PRTFDC1: variants seen among roughly 807,000 people sequenced by gnomAD.
The protein encoded by PRTFDC1 is phosphoribosyltransferase domain-containing protein 1.
PRTFDC1 carries 38 observed loss-of-function variants against 34.6 expected under a neutral mutation model. The ratio of observed to expected loss-of-function variants is 1.10; its 90% confidence interval spans 0.85 to 1.44. The LOEUF (loss-of-function observed/expected upper bound fraction) is 1.44. Ranked by LOEUF, PRTFDC1 falls within the 40% of genes most tolerant of loss-of-function variation. PRTFDC1 has a pLI of 0.00. For missense variants in PRTFDC1, 270 were observed against 283.0 expected (o/e 0.95, Z 0.33); for synonymous variants, 93 against 98.1 (o/e 0.95, Z 0.31).
intron 3 of PRTFDC1, among the ~76,000 whole-genome samples, chr10:24,896,251 T>C (rs1404156696): frequency 6.6e-6 from 1 of 152,174 alleles, no homozygotes; most frequent in Non-Finnish European, 1.5e-5. Context: ...GAGATTCTCA[T>C]AGGATCACAA....
chr10:24,899,447 T>C (rs1266962266), intron 3 of PRTFDC1, among the ~76,000 whole-genome samples: 2 of 152,190 alleles, frequency 1.3e-5, no homozygotes, highest in Non-Finnish European at 2.9e-5. Flanking sequence ...TCTGTATAAC[T>C]ATTCCCGGCT....
chr10:24,905,820 T>G (rs957100259), intron 3 of PRTFDC1, among the ~76,000 whole-genome samples: 1 of 152,188 alleles, frequency 6.6e-6, no homozygotes, highest in Non-Finnish European at 1.5e-5. Context: ...TGATTACTTA[T>G]TTAATAATAT....
rs1334975002 is a variant in PRTFDC1, at chr10:24,952,529, A to T, written c.47T>A (p.Val16Glu). Residue 16 changes from valine (V) to glutamate (E), a missense_variant and splice_region_variant, in exon 1 of 9, where the codon GTG becomes GAG. By Grantham distance (121) the Val-to-Glu change is moderately radical (BLOSUM62 -2). Coordinates refer to ENST00000320152, the MANE Select transcript of PRTFDC1 (RefSeq NM_020200.7). This position sits in a 1 kb window ranked among gnomAD's most constrained non-coding sequence, Gnocchi z 5.1. The stretch of plus-strand genomic sequence containing the variant: ...CCAAAATAGGGAGTTTGCATTTACC[A>T]CGACGCCTCGCCCGTAGTCTGGCGC... ...EEAPDYGRGV[V>E]IMDDWPGYDL... 1.3e-6 allele frequency: 2 copies of T among 1,586,544 alleles called. No homozygotes were observed. Among genetic ancestry groups the T allele is most frequent in the Non-Finnish European group, 8.6e-7 (1 of 1,166,042 alleles).
At chr10:24,850,786 G>C (rs1847472660) in intron 8 of PRTFDC1, among the ~76,000 whole-genome samples, 1 of 152,184 alleles carries the variant, frequency 6.6e-6, no homozygotes, top group Admixed American at 6.5e-5. Flanking sequence ...CTCTCTGGGG[G>C]CACTGCTATC....
At chr10:24,911,657 G>T (rs1564310307) in intron 3 of PRTFDC1, among the ~76,000 whole-genome samples, 1 of 152,022 alleles carries the variant, frequency 6.6e-6, no homozygotes, top group African/African-American at 2.4e-5. Context: ...CACGAGGTCA[G>T]GAGACTGAGA....
intron 3 of PRTFDC1, among the ~76,000 whole-genome samples, chr10:24,935,445 G>A (rs923794079): frequency 6.6e-6 from 1 of 152,170 alleles, no homozygotes; most frequent in African/African-American, 2.4e-5. Flanking sequence ...CCTGAGAGGT[G>A]ATCAGGAAAA....
chr10:24,904,294 A>G (rs1277427306), intron 3 of PRTFDC1, among the ~76,000 whole-genome samples: 1 of 148,466 alleles, frequency 6.7e-6, no homozygotes, highest in Non-Finnish European at 1.5e-5. Context: ...ACACACACAC[A>G]AGGAATCTCA....
At chr10:24,875,608 A>T (rs544514391) in intron 3 of PRTFDC1, among the ~76,000 whole-genome samples, 14 of 152,198 alleles carry the variant, frequency 9.2e-5, no homozygotes, top group African/African-American at 3.4e-4. Context: ...TCTGGAATTT[A>T]TATCTTCCAA....
At chr10:24,943,579 C>T (rs274300) in intron 1 of PRTFDC1, among the ~76,000 whole-genome samples, 24,233 of 150,012 alleles carry the variant, frequency 0.16, 2,485 homozygotes, top group East Asian at 0.43. Flanking sequence ...GAGACAGGGT[C>T]CCGCACTGTC....
intron 6 of PRTFDC1, among the ~76,000 whole-genome samples, chr10:24,856,534 G>A (rs1365170110): frequency 3.3e-5 from 5 of 152,166 alleles, no homozygotes; most frequent in Non-Finnish European, 5.9e-5. Context: ...GTTGCAGTGA[G>A]CCGAGATTGT....
chr10:24,924,496 C>T (rs550546706), intron 3 of PRTFDC1, among the ~76,000 whole-genome samples: 1 of 152,298 alleles, frequency 6.6e-6, no homozygotes, highest in Admixed American at 6.5e-5. Context: ...TAAAGAGCTT[C>T]TGCACAGCAA....
intron 4 of PRTFDC1, among the ~76,000 whole-genome samples, chr10:24,865,301 C>A (rs887332959): frequency 6.6e-6 from 1 of 152,146 alleles, no homozygotes; most frequent in Non-Finnish European, 1.5e-5. Flanking sequence ...TCCTCCTTAA[C>A]CAAGCTATTA....
At chr10:24,937,552 CTGCTT>C (rs1849073808) in intron 2 of PRTFDC1, among the ~76,000 whole-genome samples, 185 bp from the exon 3 acceptor site, 1 of 103,720 alleles carries the variant, frequency 9.6e-6, no homozygotes. Flanking sequence ...TCAAAACATA[CTGCTT>C]TTTTTTTTTT....
intron 3 of PRTFDC1, among the ~76,000 whole-genome samples, chr10:24,936,237 C>G (rs1588622822): frequency 1.3e-5 from 2 of 152,002 alleles, no homozygotes; most frequent in Middle Eastern, 6.9e-3. Flanking sequence ...CAAAAAGCAT[C>G]AAAGAAGTTA....
intron 1 of PRTFDC1, among the ~76,000 whole-genome samples, chr10:24,946,402 G>A (rs1849251033): frequency 6.6e-6 from 1 of 152,034 alleles, no homozygotes; most frequent in South Asian, 2.1e-4. Context: ...CCAAAAAAAG[G>A]AAACAGACTA....
At chr10:24,947,369 A>T (rs1305639726) in intron 1 of PRTFDC1, among the ~76,000 whole-genome samples, 2 of 152,180 alleles carry the variant, frequency 1.3e-5, no homozygotes, top group Non-Finnish European at 2.9e-5. Flanking sequence ...GTTGCTATGA[A>T]CTGTAGATAA....
intron 3 of PRTFDC1, among the ~76,000 whole-genome samples, chr10:24,931,813 C>G (rs1848976454): frequency 6.6e-6 from 1 of 150,836 alleles, no homozygotes; most frequent in South Asian, 2.1e-4. Flanking sequence ...ACTAATTCTA[C>G]ACAAACTCTT....
At chr10:24,880,257 T>TTTTTTTTC (rs1848043856) in intron 3 of PRTFDC1, among the ~76,000 whole-genome samples, 1 of 144,236 alleles carries the variant, frequency 6.9e-6, no homozygotes, top group South Asian at 2.2e-4. Flanking sequence ...CTTTTTTTTC[T>TTTTTTTTC]TTTTTTTTTT....
intron 8 of PRTFDC1, among the ~76,000 whole-genome samples, chr10:24,850,362 T>C (rs1170765840): frequency 1.3e-5 from 2 of 152,182 alleles, no homozygotes; most frequent in Admixed American, 1.3e-4. Context: ...ATGGGCTCAG[T>C]GGCCCCTGTC....
Sources: allele counts gnomAD v4.1 joint callset (sites outside exome capture counted in the v4.1 genomes callset), GRCh38; gene constraint gnomAD v4.1.1; non-coding constraint Gnocchi (gnomAD v3.1); transcripts MANE v1.5; gene names NCBI Gene and HGNC (gene_info 2026-07-23, HGNC 2026-07-21).